Variants in PRKG2 observed in about 807,000 individuals in gnomAD.
The protein encoded by PRKG2 is cGMP-dependent protein kinase 2.
A neutral mutation model predicts 97.2 loss-of-function variants in PRKG2; 33 were observed. The observed-to-expected ratio is 0.34, with a 90% CI of 0.26 to 0.45. The LOEUF (loss-of-function observed/expected upper bound fraction) is 0.45. Ranked by LOEUF, PRKG2 falls within the 20% of genes least tolerant of loss-of-function variation. The pLI is 1.00. For synonymous variants in PRKG2, 330 were observed against 321.8 expected (o/e 1.03, Z -0.27); for missense variants, 638 against 900.0 (o/e 0.71, Z 3.73).
chr4:81,094,736 G>C (rs1486621105), intron 17 of PRKG2, among the ~76,000 whole-genome samples: 1 of 151,992 alleles, frequency 6.6e-6, no homozygotes, highest in Non-Finnish European at 1.5e-5. Context: ...CTGTGGCAAA[G>C]CCCTTCCAGA....
At chr4:81,096,331 C>G (rs1742112499) in intron 17 of PRKG2, among the ~76,000 whole-genome samples, 1 of 151,828 alleles carries the variant, frequency 6.6e-6, no homozygotes, top group Non-Finnish European at 1.5e-5. Context: ...CTCTTGAGGC[C>G]AGGAGTTTGG....
intron 2 of PRKG2, among the ~76,000 whole-genome samples, chr4:81,196,809 T>C (rs867142971): frequency 6.6e-6 from 1 of 151,864 alleles, no homozygotes; most frequent in Non-Finnish European, 1.5e-5. Flanking sequence ...AACTGCACTT[T>C]AAAATCTACA....
intron 14 of PRKG2, among the ~76,000 whole-genome samples, chr4:81,128,260 G>C (rs933798957): frequency 2.6e-5 from 4 of 152,128 alleles, no homozygotes; most frequent in African/African-American, 9.7e-5. Flanking sequence ...TTTTCACATC[G>C]ATGTTCATCA....
intron 17 of PRKG2, among the ~76,000 whole-genome samples, chr4:81,093,725 C>T (rs1043402010): frequency 2.7e-5 from 4 of 150,482 alleles, no homozygotes; most frequent in African/African-American, 7.5e-5. Flanking sequence ...ATTGCTTATG[C>T]ATCACTCATC....
At chr4:81,093,837 T>C (rs1560528983) in intron 17 of PRKG2, among the ~76,000 whole-genome samples, 1 of 152,286 alleles carries the variant, frequency 6.6e-6, no homozygotes, top group South Asian at 2.1e-4. Flanking sequence ...TTCTCTTGAA[T>C]AGAAACAATC....
At chr4:81,122,907 T>G (rs1316102861) in intron 14 of PRKG2, among the ~76,000 whole-genome samples, 1 of 152,186 alleles carries the variant, frequency 6.6e-6, no homozygotes, top group Non-Finnish European at 1.5e-5. Flanking sequence ...TCCATCCCAC[T>G]GCAGTCCGCT....
At chr4:81,113,870 C>T (rs1744228198) in intron 14 of PRKG2, among the ~76,000 whole-genome samples, 1 of 152,154 alleles carries the variant, frequency 6.6e-6, no homozygotes, top group Non-Finnish European at 1.5e-5. Context: ...TGTCTTTCTG[C>T]TACTAACGTC....
At chr4:81,183,924 C>A (rs1033652612) in intron 2 of PRKG2, among the ~76,000 whole-genome samples, 12 of 152,186 alleles carry the variant, frequency 7.9e-5, no homozygotes, top group African/African-American at 2.9e-4. Context: ...AAAGATGCTG[C>A]GGCCTGACTG....
intron 17 of PRKG2, among the ~76,000 whole-genome samples, chr4:81,097,468 T>C (rs1256288816): frequency 6.6e-6 from 1 of 152,184 alleles, no homozygotes; most frequent in African/African-American, 2.4e-5. Flanking sequence ...ATTTTTAGAA[T>C]GGCAAATGAG....
chr4:81,145,380 T>C (rs954807888), intron 9 of PRKG2, among the ~76,000 whole-genome samples: 1 of 152,204 alleles, frequency 6.6e-6, no homozygotes, highest in African/African-American at 2.4e-5. Context: ...TTAAGCTATA[T>C]ATATTTTAAA....
At chr4:81,156,882 A>G (rs1213204998) in intron 6 of PRKG2, among the ~76,000 whole-genome samples, 2 of 152,138 alleles carry the variant, frequency 1.3e-5, no homozygotes, top group South Asian at 2.1e-4. Context: ...TGAAACCAAC[A>G]AGAACAAAGA....
At chr4:81,095,612 C>T (rs901358356) in intron 17 of PRKG2, among the ~76,000 whole-genome samples, 2 of 152,150 alleles carry the variant, frequency 1.3e-5, no homozygotes, top group African/African-American at 4.8e-5. Flanking sequence ...CATGGCTATT[C>T]ACTTAACACA....
At chr4:81,144,610 A>ATATATT (rs1553923811) in intron 9 of PRKG2, among the ~76,000 whole-genome samples, 5 of 140,062 alleles carry the variant, frequency 3.6e-5, no homozygotes, top group African/African-American at 1.5e-4. Flanking sequence ...ATATATATAT[A>ATATATT]TTTTTTTTTT....
At position 81,205,022 on chromosome 4, in the gene PRKG2, T is replaced by C. The variant is rs549621974; in HGVS notation, c.26A>G (p.Lys9Arg). 3 of 1,611,682 alleles carry C rather than the reference T, an allele frequency of 1.9e-6. No individual in the cohort carries two copies. The African/African-American group carries it at 4.0e-5, about 22-fold the overall frequency. The change falls in exon 2 of 19, where the codon AAA becomes AGA. Residue 9 changes from lysine (K) to arginine (R), a missense_variant. By Grantham distance (26) the Lys-to-Arg change is conservative. Transcript: ENST00000264399. MGNGSVKP[K>R]HSKHPDGHSG... Reference sequence around the variant, plus strand: ...GTGTCCATCTGGGTGCTTAGAATGTTTAGGTTTCACTGAACCATTTCCCAT... The same window carrying C: ...GTGTCCATCTGGGTGCTTAGAATGTCTAGGTTTCACTGAACCATTTCCCAT...
intron 2 of PRKG2, among the ~76,000 whole-genome samples, chr4:81,197,269 A>AG (rs1017121755): frequency 4.6e-5 from 7 of 152,174 alleles, no homozygotes; most frequent in Admixed American, 4.6e-4. Flanking sequence ...TTTTGAGAAA[A>AG]GAAAAAAAAA....
At chr4:81,201,338 G>A (rs989178637) in intron 2 of PRKG2, among the ~76,000 whole-genome samples, 16 of 152,134 alleles carry the variant, frequency 1.1e-4, no homozygotes, top group African/African-American at 3.4e-4. Flanking sequence ...CGTAAAGCAT[G>A]GATTATAGAA....
chr4:81,163,358 G>A (rs1030735915), intron 6 of PRKG2, among the ~76,000 whole-genome samples: 6 of 152,012 alleles, frequency 3.9e-5, no homozygotes, highest in African/African-American at 1.4e-4. Flanking sequence ...ACATTGCAAA[G>A]GTGTCCCTTA....
At chr4:81,121,774 TC>T (rs1197886243) in intron 14 of PRKG2, among the ~76,000 whole-genome samples, 9 of 152,174 alleles carry the variant, frequency 5.9e-5, no homozygotes, top group Non-Finnish European at 7.4e-5. Context: ...ATTTTATTGA[TC>T]TTTTCAAATA....
At chr4:81,101,528 G>A (rs190004926) in intron 17 of PRKG2, among the ~76,000 whole-genome samples, 2 of 145,546 alleles carry the variant, frequency 1.4e-5, no homozygotes, top group East Asian at 4.1e-4. Context: ...AGAACACATG[G>A]ACCCAGGAAT....
Sources: allele counts gnomAD v4.1 joint callset (sites outside exome capture counted in the v4.1 genomes callset), GRCh38; gene constraint gnomAD v4.1.1; transcripts MANE v1.5; gene names NCBI Gene and HGNC (gene_info 2026-07-23, HGNC 2026-07-21).